IGSF23: variants seen among roughly 807,000 people sequenced by gnomAD.
The protein encoded by IGSF23 is immunoglobulin superfamily member 23.
IGSF23 carries 14 observed loss-of-function variants against 17.8 expected under a neutral mutation model. That is an observed-to-expected ratio of 0.79 (90% CI 0.52 to 1.23). The LOEUF (loss-of-function observed/expected upper bound fraction) is 1.23. Ranked by LOEUF, IGSF23 falls within the 50% of genes most tolerant of loss-of-function variation. The pLI is 0.00. For missense variants in IGSF23, 214 were observed against 241.7 expected (o/e 0.89, Z 0.76); for synonymous variants, 85 against 92.5 (o/e 0.92, Z 0.46).
At chr19:44,635,763 T>G (rs1056971232) in intron 4 of IGSF23, among the ~76,000 whole-genome samples, 2 of 152,116 alleles carry the variant, frequency 1.3e-5, no homozygotes, top group African/African-American at 4.8e-5. Flanking sequence ...AAAAATAAAA[T>G]GAACAGTTTA....
chr19:44,616,525 G>A (rs1252165389), intron 1 of IGSF23, among the ~76,000 whole-genome samples: 2 of 151,786 alleles, frequency 1.3e-5, no homozygotes, highest in Non-Finnish European at 2.9e-5. Context: ...GTGAAACCCT[G>A]TCTCTACTAA....
chr19:44,617,840 A>G (rs1282543526), intron 1 of IGSF23, among the ~76,000 whole-genome samples: 1 of 151,806 alleles, frequency 6.6e-6, no homozygotes, highest in Admixed American at 6.6e-5. Flanking sequence ...CTTCAAGCTT[A>G]CTCCCCCGCT....
chr19:44,631,760 C>T (rs781528174), intron 3 of IGSF23, among the ~76,000 whole-genome samples: 3 of 152,240 alleles, frequency 2.0e-5, no homozygotes, highest in Non-Finnish European at 4.4e-5. Context: ...TTATCTGCAG[C>T]AGGAGCATGT....
At position 44,627,562 on chromosome 19, in the gene IGSF23, C is replaced by T. The variant is rs541499618; in HGVS notation, c.534C>T (p.Ile178=). The T allele has an allele frequency of 1.2e-3, 1,932 of 1,550,238 alleles. 2 individuals carry two copies. Among genetic ancestry groups the T allele is most frequent in the Non-Finnish European group, 1.4e-3 (1,625 of 1,146,810 alleles). ...TTGCAGGCATGTGTTTCATCATCAT[C>T]CAGAGCCTAAGGTACCTCTATCCCT... ...ALIAGMCFII[I]QSLRTDRQRI... Residue 178 remains isoleucine, a synonymous_variant, in exon 3 of 5, where the codon ATC becomes ATT. Coordinates refer to ENST00000402988, the MANE Select transcript of IGSF23 (RefSeq NM_001205280.2).
intron 1 of IGSF23, chr19:44,618,231 C>T (rs1441805858): frequency 2.1e-6 from 1 of 470,280 alleles, no homozygotes. Flanking sequence ...GTATGACGCC[C>T]AGCCAGCAGC....
chr19:44,624,570 C>T (rs531224797), intron 2 of IGSF23, among the ~76,000 whole-genome samples: 1 of 152,118 alleles, frequency 6.6e-6, no homozygotes, highest in Admixed American at 6.5e-5. Flanking sequence ...CAGACATGAG[C>T]CACCTCGCCC....
At chr19:44,634,142 G>A (rs1004778204) in intron 3 of IGSF23, among the ~76,000 whole-genome samples, 9 of 152,178 alleles carry the variant, frequency 5.9e-5, no homozygotes, top group Non-Finnish European at 1.0e-4. Context: ...CGGCTGTGGC[G>A]GGGGACAGAC....
rs960090739 is a variant in IGSF23 at position 44,636,582 on chromosome 19, A to G, written c.*195A>G. On this transcript the variant is annotated 3_prime_UTR_variant, in exon 5 of 5. Transcript: ENST00000402988. ...ACATCTGATGGGTTGACTCGGTGCC[A>G]TCCTTGGTCCCATCGCCGTGACACG... is the stretch of plus-strand genomic sequence containing the variant. 6.6e-6 allele frequency: 1 copy of G among 152,176 alleles called. No individual in the cohort carries two copies. The highest frequency in any genetic ancestry group is 1.5e-5 in the Non-Finnish European group (1 of 68,040). 9.4% of individuals were successfully genotyped at this position (152,176 alleles called of 1,614,324 possible).
chr19:44,624,198 CTTCT>C (rs1485491060), intron 2 of IGSF23, among the ~76,000 whole-genome samples: 1 of 151,812 alleles, frequency 6.6e-6, no homozygotes, highest in African/African-American at 2.4e-5. Context: ...TTTCTTTCTT[CTTCT>C]TTTTCTTTCT....
rs763796208 is a variant in IGSF23 at position 44,613,887 on chromosome 19, T to G, written c.125+117T>G. 3.9e-5 allele frequency: 61 copies of G among 1,548,782 alleles called. No individual in the cohort carries two copies. In the Middle Eastern group the frequency reaches 3.3e-3, roughly 84 times the overall value. ...AGGTCTATGAAGACCCCATGTGTGA[T>G]GAGGAGACCTTCTCTGCACAGTCCC... is the stretch of plus-strand genomic sequence containing the variant. On this transcript the variant is annotated intron_variant, in intron 1 of 4. Coordinates refer to ENST00000402988, the MANE Select transcript of IGSF23 (RefSeq NM_001205280.2).
At chr19:44,624,232 CT>C (rs1313918291) in intron 2 of IGSF23, among the ~76,000 whole-genome samples, 2 of 150,370 alleles carry the variant, frequency 1.3e-5, no homozygotes, top group African/African-American at 2.4e-5. Context: ...TTTCCTCCTC[CT>C]CCTCCTCCTT....
chr19:44,621,618 C>A (rs1359354805), intron 1 of IGSF23, among the ~76,000 whole-genome samples: 1 of 151,228 alleles, frequency 6.6e-6, no homozygotes, highest in African/African-American at 2.4e-5. Context: ...CAGAACAAGA[C>A]CCTGTCTCAA....
chr19:44,628,239 G>A lies in IGSF23; in HGVS notation c.545+666G>A, dbSNP rs374303794. Among the ~76,000 whole-genome samples the A allele has an allele frequency of 1.2e-3, 185 of 152,106 alleles. 1 individual carries two copies. The highest frequency in any genetic ancestry group is 2.1e-3 in the Non-Finnish European group (146 of 67,994). ...ATTACAGGCATGAGCCACTGCACCC[G>A]TCCAGTGAGTGAATATTTCTAAGAA... On this transcript the variant is annotated intron_variant, in intron 3 of 4. Transcript: ENST00000402988.
chr19:44,627,580 C>A lies in IGSF23; in HGVS notation c.545+7C>A, dbSNP rs77946766. On this transcript the variant is annotated splice_region_variant and intron_variant, in intron 3 of 4. Coordinates refer to ENST00000402988, the MANE Select transcript of IGSF23 (RefSeq NM_001205280.2). Reference sequence around the variant, plus strand: ...TCATCATCCAGAGCCTAAGGTACCTCTATCCCTCACCCCCGTCCACTGGGC... The same window carrying A: ...TCATCATCCAGAGCCTAAGGTACCTATATCCCTCACCCCCGTCCACTGGGC... 3 of 1,547,262 alleles carry A rather than the reference C, an allele frequency of 1.9e-6. No homozygotes were observed. The highest frequency in any genetic ancestry group is 2.6e-6 in the Non-Finnish European group (3 of 1,144,732).
chr19:44,622,208 G>C (rs866694728), intron 1 of IGSF23, among the ~76,000 whole-genome samples: 16 of 113,808 alleles, frequency 1.4e-4, no homozygotes, highest in Middle Eastern at 4.6e-3. Flanking sequence ...TCCGTTTCAA[G>C]AAAAAAAAAA....
Position 44,613,711 on chromosome 19 carries a change from C to A in IGSF23, c.66C>A (p.Thr22=), listed in dbSNP as rs114877574. ...TCCCAGCCTGGTCCCCACCCACCAC[C>A]ACCACTGACCCGATGCTAGAGAAGG... ...NPVPAWSPPT[T]TTDPMLEKDA... Residue 22 remains threonine (T), a synonymous_variant, in exon 1 of 5, where the codon ACC becomes ACA. Coordinates refer to ENST00000402988, the MANE Select transcript of IGSF23 (RefSeq NM_001205280.2). 493 of 1,550,594 alleles carry A rather than the reference C, an allele frequency of 3.2e-4. 3 individuals carry two copies. In the African/African-American group the frequency reaches 5.9e-3, roughly 19 times the overall value.
At chr19:44,628,786 T>C (rs535087981) in intron 3 of IGSF23, among the ~76,000 whole-genome samples, 2 of 152,020 alleles carry the variant, frequency 1.3e-5, no homozygotes, top group African/African-American at 2.4e-5. Flanking sequence ...TTAAAAAAGA[T>C]AGTATGTTGG....
rs550986070 is a variant in IGSF23, at chr19:44,620,184, G to A, written c.126-3523G>A. The stretch of plus-strand genomic sequence containing the variant: ...TTCAGGAGACTGAGGAAGTAGAATC[G>A]CTTGAACCTGGGAGTCGGAGGTTGC... On this transcript the variant is annotated intron_variant, in intron 1 of 4. Coordinates refer to ENST00000402988, the MANE Select transcript of IGSF23 (RefSeq NM_001205280.2). Among the ~76,000 whole-genome samples, 25 of 152,030 alleles carry A rather than the reference G, an allele frequency of 1.6e-4. No individual in the cohort carries two copies. The South Asian group carries it at 4.6e-3, about 28-fold the overall frequency.
At chr19:44,622,744 A>G (rs943891527) in intron 1 of IGSF23, among the ~76,000 whole-genome samples, 8 of 151,896 alleles carry the variant, frequency 5.3e-5, no homozygotes, top group African/African-American at 1.9e-4. Context: ...TATCTCTCTG[A>G]CTTCTTCTCC....
Sources: allele counts gnomAD v4.1 joint callset (sites outside exome capture counted in the v4.1 genomes callset), GRCh38; gene constraint gnomAD v4.1.1; transcripts MANE v1.5; gene names NCBI Gene and HGNC (gene_info 2026-07-23, HGNC 2026-07-21).